TEX14: variants seen among roughly 807,000 people sequenced by gnomAD.
The protein encoded by TEX14 is inactive serine/threonine-protein kinase TEX14.
TEX14 carries 168 observed loss-of-function variants against 178.6 expected under a neutral mutation model. That is an observed-to-expected ratio of 0.94 (90% CI 0.83 to 1.07). TEX14 has a LOEUF of 1.07. Ranked by LOEUF, TEX14 falls within the 50% of genes least tolerant of loss-of-function variation. The pLI is 0.00. For synonymous variants in TEX14, 626 were observed against 634.1 expected (o/e 0.99, Z 0.19); for missense variants, 1,730 against 1,753.6 (o/e 0.99, Z 0.24).
At chr17:58,591,387 G>A (rs2045136838) in intron 15 of TEX14, among the ~76,000 whole-genome samples, 1 of 152,252 alleles carries the variant, frequency 6.6e-6, no homozygotes, top group Non-Finnish European at 1.5e-5. Flanking sequence ...GCCTGGTGGT[G>A]CATGTCTGTA....
At position 58,569,257 on chromosome 17, in the gene TEX14, T is replaced by C. The variant is rs1040349918; in HGVS notation, c.3821A>G (p.Glu1274Gly). 6.2e-7 allele frequency: 1 copy of C among 1,613,664 alleles called. No homozygotes were observed. Residue 1274 changes from glutamate to glycine, a missense_variant, in exon 26 of 32, where the codon GAA becomes GGA. Physicochemically the swap from Glu to Gly is moderately conservative, Grantham distance 98 (BLOSUM62 -2). Around this residue, in one of 2 missense-constraint regions of TEX14, gnomAD observed 941 missense variants for 1,072.4 expected, o/e 0.88. Coordinates refer to ENST00000349033, the MANE Select transcript of TEX14 (RefSeq NM_031272.5). This position sits in a 1 kb window ranked among gnomAD's most constrained non-coding sequence, Gnocchi z 4.1. ...ATCAATGTGATGCTGTGAGAAGGCTTCTACTAGTTTTTAAAAAAGACAAAA... is the reference window on the plus strand; with the variant it reads ...ATCAATGTGATGCTGTGAGAAGGCTCCTACTAGTTTTTAAAAAAGACAAAA... ...ATQRRSLPKV[E>G]AFSQHHIDEL...
At chr17:58,560,820 A>G (rs138345802) in intron 29 of TEX14, among the ~76,000 whole-genome samples, 145 of 152,350 alleles carry the variant, frequency 9.5e-4, no homozygotes, top group Non-Finnish European at 1.8e-3. Context: ...TCCTCTGAAC[A>G]GCACATTACC....
At chr17:58,645,364 A>ATT (rs942793960) in intron 2 of TEX14, among the ~76,000 whole-genome samples, 3 of 136,244 alleles carry the variant, frequency 2.2e-5, no homozygotes, top group Non-Finnish European at 3.2e-5. Context: ...GGCTTCTATA[A>ATT]TTTTTTTTTT....
intron 28 of TEX14, among the ~76,000 whole-genome samples, 157 bp from the exon 29 acceptor site, chr17:58,561,769 A>G (rs2044278338): frequency 6.6e-6 from 1 of 152,202 alleles, no homozygotes; most frequent in Admixed American, 6.5e-5. Flanking sequence ...GTCTGGAGTC[A>G]TAGAGGTCAC....
At chr17:58,630,199 G>A (rs1034992288) in intron 3 of TEX14, among the ~76,000 whole-genome samples, 5 of 151,756 alleles carry the variant, frequency 3.3e-5, no homozygotes, top group African/African-American at 1.2e-4. Flanking sequence ...TGGGATTACA[G>A]GCATGCGCCA....
rs768759647 is a variant in TEX14, at chr17:58,561,599, G to C, written c.4078C>G (p.Leu1360Val). 7 of 1,612,638 alleles carry C rather than the reference G, an allele frequency of 4.3e-6. No homozygotes were observed. The highest frequency in any genetic ancestry group is 5.9e-6 in the Non-Finnish European group (7 of 1,178,742). ...GEDTERAHST[L>V]DEDLERWLQP... ...AGCCATCTTTCCAGGTCCTCATCCA[G>C]AGTAGAGTGAGCTCTGTTTAAGGAC... Residue 1360 changes from leucine to valine, a missense_variant, in exon 29 of 32, where the codon CTG (leucine) becomes GTG (valine). Leu to Val is a conservative substitution (Grantham distance 32). Coordinates refer to ENST00000349033, the MANE Select transcript of TEX14 (RefSeq NM_031272.5).
At chr17:58,625,298 G>T (rs956784813) in intron 3 of TEX14, among the ~76,000 whole-genome samples, 3 of 151,826 alleles carry the variant, frequency 2.0e-5, no homozygotes, top group Non-Finnish European at 4.4e-5. Flanking sequence ...ATGCGCTCAG[G>T]TAACTTTTGT....
At chr17:58,576,316 T>C (rs1244861463) in intron 21 of TEX14, among the ~76,000 whole-genome samples, 1 of 152,190 alleles carries the variant, frequency 6.6e-6, no homozygotes, top group Non-Finnish European at 1.5e-5. Context: ...TGAAACCCCA[T>C]CTCTACTAAA....
intron 2 of TEX14, among the ~76,000 whole-genome samples, chr17:58,644,899 C>A (rs1335345961): frequency 1.3e-5 from 2 of 152,004 alleles, no homozygotes; most frequent in Non-Finnish European, 2.9e-5. Flanking sequence ...GATCCACCCA[C>A]CTCGGCCTCC....
chr17:58,631,079 T>C, intron 2 of TEX14: 2 of 748,896 alleles, frequency 2.7e-6, no homozygotes, highest in Non-Finnish European at 3.2e-6. Context: ...ACCAGGAAAA[T>C]AAATAAAAAA....
chr17:58,661,818 T>G, intron 1 of TEX14: 1 of 485,014 alleles, frequency 2.1e-6, no homozygotes, highest in East Asian at 3.3e-5. Context: ...TTTGTCTCTC[T>G]GTTTCCGTTT....
chr17:58,574,660 A>G (rs1352360655), intron 21 of TEX14, among the ~76,000 whole-genome samples: 3 of 115,938 alleles, frequency 2.6e-5, no homozygotes, highest in East Asian at 6.3e-4. Context: ...GGCAGCAAGA[A>G]TGAGACTCCA....
chr17:58,571,665 G>A (rs1309046071), intron 24 of TEX14, among the ~76,000 whole-genome samples: 2 of 152,114 alleles, frequency 1.3e-5, no homozygotes, highest in South Asian at 2.1e-4. Flanking sequence ...TTTCCTGCAG[G>A]TTATTAGTTC....
At chr17:58,585,644 C>T (rs1323040519) in intron 18 of TEX14, among the ~76,000 whole-genome samples, 157 bp downstream of exon 18, 1 of 120,642 alleles carries the variant, frequency 8.3e-6, no homozygotes, top group Non-Finnish European at 1.7e-5. Flanking sequence ...TTTGTAGAGA[C>T]CAGGTTTCAT....
intron 2 of TEX14, among the ~76,000 whole-genome samples, chr17:58,641,855 C>A (rs1419070867): frequency 2.6e-5 from 4 of 152,166 alleles, no homozygotes; most frequent in Non-Finnish European, 4.4e-5. Flanking sequence ...CTTTAAACAA[C>A]TGAAGGAGAA....
chr17:58,655,031 CTT>C (rs1188938621), intron 1 of TEX14, among the ~76,000 whole-genome samples: 7 of 130,824 alleles, frequency 5.4e-5, no homozygotes, highest in Admixed American at 7.8e-5. Flanking sequence ...AAACTCCCTT[CTT>C]TTTTTTTTTT....
chr17:58,680,742 A>C (rs147795169), intron 1 of TEX14, among the ~76,000 whole-genome samples: 18 of 152,054 alleles, frequency 1.2e-4, no homozygotes, highest in African/African-American at 4.1e-4. Flanking sequence ...TCTCAAAAAA[A>C]CCCCACAAAA....
At position 58,565,731 on chromosome 17, in the gene TEX14, T is replaced by C; in HGVS notation, c.3964+16A>G. ...TTAAAAGAACCTGATGAAAACAATC[T>C]AGGTAGTTCACTTACCATTTGCAGT... On this transcript the variant is annotated intron_variant, in intron 27 of 31. Transcript: ENST00000349033. 6.3e-7 allele frequency: 1 copy of C among 1,586,746 alleles called. No homozygotes were observed.
Position 58,611,354 on chromosome 17 carries a change from T to C in TEX14, c.1006-15A>G, listed in dbSNP as rs1231997383. The C allele has an allele frequency of 6.3e-6, 10 of 1,598,758 alleles. No individual in the cohort carries two copies. In the East Asian group the frequency reaches 1.3e-4, roughly 21 times the overall value. ...AACTGGGACCGCTGCAAGCAAGAGA[T>C]GAAATGCCACGAAAAAAAAAAGGAC... On this transcript the variant is annotated splice_polypyrimidine_tract_variant and intron_variant, in intron 9 of 31. Transcript: ENST00000349033.
Sources: gnomAD v4.1 joint callset for allele counts (sites outside exome capture counted in the v4.1 genomes callset) on GRCh38, gnomAD v4.1.1 for gene constraint, gnomAD v4.1.1 regional missense constraint, Gnocchi (gnomAD v3.1) non-coding constraint, MANE v1.5 for transcripts, NCBI Gene and HGNC (gene_info 2026-07-23, HGNC 2026-07-21) for gene names.